DDX60L: variants seen among roughly 807,000 people sequenced by gnomAD.
DDX60L encodes the protein probable ATP-dependent RNA helicase DDX60-like.
A neutral mutation model predicts 211.6 loss-of-function variants in DDX60L; 191 were observed. The ratio of observed to expected loss-of-function variants is 0.90; its 90% confidence interval spans 0.80 to 1.02. The LOEUF (loss-of-function observed/expected upper bound fraction) is 1.02, where lower values mean the gene tolerates loss of function less well. Ranked by LOEUF, DDX60L falls within the 50% of genes least tolerant of loss-of-function variation. The pLI is 0.00. For synonymous variants in DDX60L, 706 were observed against 694.1 expected (o/e 1.02, Z -0.27); for missense variants, 2,007 against 1,984.1 (o/e 1.01, Z -0.22).
intron 8 of DDX60L, among the ~76,000 whole-genome samples, chr4:168,450,840 G>A (rs764022127): frequency 2.6e-5 from 4 of 152,126 alleles, no homozygotes; most frequent in Admixed American, 6.5e-5. Flanking sequence ...CTGGGAGGTC[G>A]AGGCTGCAGT....
In DDX60L at chr4:168,373,711, C is replaced by T. The variant is rs201273359; in HGVS notation, c.4731G>A (p.Ser1577=). The change falls in exon 35 of 38, where the codon TCG becomes TCA. Residue 1577 remains serine (S), a synonymous_variant. Transcript: ENST00000682922. Reference sequence around the variant, plus strand: ...GAAGCAAATCATTATCTGTGTTCCCCGAAAGACAAACAAATGGTGAAATGG... The same window carrying T: ...GAAGCAAATCATTATCTGTGTTCCCTGAAAGACAAACAAATGGTGAAATGG... The part of the protein sequence containing the change: ...RVAISPFVCL[S]GNTDNDLLRP... The T allele has an allele frequency of 3.3e-5, 54 of 1,613,826 alleles. No individual in the cohort carries two copies. Among genetic ancestry groups the T allele is most frequent in the African/African-American group, 6.7e-5 (5 of 74,912 alleles).
chr4:168,393,615 C>G (rs1318622471), intron 28 of DDX60L, among the ~76,000 whole-genome samples: 1 of 152,152 alleles, frequency 6.6e-6, no homozygotes, highest in Non-Finnish European at 1.5e-5. Flanking sequence ...AACATACTAA[C>G]AAAAAGTTAA....
At chr4:168,464,697 G>A (rs1473762517) in intron 4 of DDX60L, among the ~76,000 whole-genome samples, 2 of 152,032 alleles carry the variant, frequency 1.3e-5, no homozygotes, top group Non-Finnish European at 2.9e-5. Context: ...TTGTGTGTGT[G>A]CGTGTGTTGG....
intron 5 of DDX60L, among the ~76,000 whole-genome samples, chr4:168,459,503 G>A (rs1441533856): frequency 6.6e-6 from 1 of 152,026 alleles, no homozygotes; most frequent in African/African-American, 2.4e-5. Context: ...TGCAATCCCA[G>A]CACTTTAGGA....
chr4:168,432,533 T>C lies in DDX60L; in HGVS notation c.1438A>G (p.Thr480Ala). ...PVVPSLFKQK[T>A]SDELLHWHAQ... The stretch of plus-strand genomic sequence containing the variant: ...TGCCAGTGCAAAAGTTCATCAGATG[T>C]CTTTTGTTTAAACAGTGAAGGAACA... Residue 480 changes from threonine (T) to alanine (A), a missense_variant, in exon 12 of 38, where the codon ACA becomes GCA. Coordinates refer to ENST00000682922, the MANE Select transcript of DDX60L (RefSeq NM_001012967.3). The C allele has an allele frequency of 6.3e-7, 1 of 1,584,470 alleles. No individual in the cohort carries two copies. Among genetic ancestry groups the C allele is most frequent in the Non-Finnish European group, 8.6e-7 (1 of 1,162,954 alleles).
At chr4:168,449,664 A>AAAAAAAAAAAAAAAAT (rs1561098830) in intron 8 of DDX60L, among the ~76,000 whole-genome samples, 2 of 37,696 alleles carry the variant, frequency 5.3e-5, no homozygotes, top group Non-Finnish European at 1.0e-4. Flanking sequence ...AAAAAAAAAA[A>AAAAAAAAAAAAAAAAT]AGAAAAAAGA....
chr4:168,465,597 A>G (rs1398441608), intron 4 of DDX60L, among the ~76,000 whole-genome samples: 1 of 151,816 alleles, frequency 6.6e-6, no homozygotes, highest in African/African-American at 2.4e-5. Flanking sequence ...CATTTCCCCT[A>G]TGTTTTTTTC....
chr4:168,454,758 C>CTTTTTTTTTTTTTTTTATTTTTTTT (rs1756279078), intron 7 of DDX60L, among the ~76,000 whole-genome samples: 1 of 88,656 alleles, frequency 1.1e-5, no homozygotes, highest in African/African-American at 4.8e-5. Context: ...AAACAGCTTC[C>CTTTTTTTTTTTTTTTTATTTTTTTT]TTTTTTTTTT....
chr4:168,424,809 T>A (rs1043275561), intron 14 of DDX60L, among the ~76,000 whole-genome samples: 2 of 152,172 alleles, frequency 1.3e-5, no homozygotes, highest in Non-Finnish European at 2.9e-5. Context: ...ATCCCCATAC[T>A]AATGGATACT....
At chr4:168,383,479 G>T (rs1743315106) in intron 30 of DDX60L, among the ~76,000 whole-genome samples, 1 of 152,174 alleles carries the variant, frequency 6.6e-6, no homozygotes, top group Non-Finnish European at 1.5e-5. Context: ...AAAGTTTTTT[G>T]ACAGGAGTTC....
At chr4:168,427,351 A>T (rs1036307963) in intron 13 of DDX60L, 29 bp from the exon 14 acceptor site, 3 of 1,591,580 alleles carry the variant, frequency 1.9e-6, no homozygotes, top group Non-Finnish European at 2.6e-6. Flanking sequence ...AACATATGAA[A>T]CAAGTGGGAA....
intron 9 of DDX60L, among the ~76,000 whole-genome samples, chr4:168,442,196 G>A (rs1031262308): frequency 1.4e-4 from 21 of 152,290 alleles, no homozygotes; most frequent in African/African-American, 3.8e-4. Context: ...CTTGGGAAGC[G>A]CAAGGGGTCA....
chr4:168,406,688 G>T lies in DDX60L; in HGVS notation c.2998C>A (p.Pro1000Thr), dbSNP rs760633621. 1.3e-6 allele frequency: 2 copies of T among 1,599,182 alleles called. No individual in the cohort carries two copies. Among genetic ancestry groups the T allele is most frequent in the South Asian group, 2.3e-5 (2 of 87,504 alleles). ...TTDIIEKYGF[P>T]PDLTLTPQES... ...TGAGGGGTGAGGGTAAGATCAGGTG[G>T]GAATCCATACTTTTCAATCTGTGAA... Residue 1000 changes from proline to threonine, a missense_variant, in exon 23 of 38, where the codon CCA (proline) becomes ACA (threonine). Pro to Thr is a conservative substitution (Grantham distance 38). Transcript: ENST00000682922.
chr4:168,477,350 G>A (rs10020642), intron 1 of DDX60L, among the ~76,000 whole-genome samples: 12,171 of 151,794 alleles, frequency 0.08, 1,111 homozygotes, highest in African/African-American at 0.23. Context: ...GGGAGGCGGA[G>A]CTTGCAGTGA....
chr4:168,390,576 T>C (rs1190899187), intron 29 of DDX60L: 9 of 992,354 alleles, frequency 9.1e-6, no homozygotes, highest in East Asian at 8.5e-5. Flanking sequence ...ATAAGCAAAA[T>C]GATAAAATTT....
rs1738280733 is a variant in DDX60L, at chr4:168,356,777, TACTACATAA to T, written c.*1361_*1369del. The T allele has an allele frequency of 6.6e-6, 1 of 152,234 alleles. No individual in the cohort carries two copies. Among genetic ancestry groups the T allele is most frequent in the South Asian group, 2.1e-4 (1 of 4,830 alleles). The allele number at this position is 152,234 out of a possible 1,614,324, so 9.4% of individuals were successfully genotyped here. On this transcript the variant is annotated 3_prime_UTR_variant, in exon 38 of 38. Coordinates refer to ENST00000682922, the MANE Select transcript of DDX60L (RefSeq NM_001012967.3). ...ATTTTCTGATGGGTGCCAAGTCACT[TACTACATAA>T]ACTACAACAATACCAAGTTTTCAGC... is the stretch of plus-strand genomic sequence containing the variant.
chr4:168,375,581 T>G, intron 33 of DDX60L, 57 bp from the exon 34 acceptor site: 2 of 1,456,754 alleles, frequency 1.4e-6, no homozygotes, highest in Non-Finnish European at 1.8e-6. Flanking sequence ...AAAATTAAAC[T>G]GCTTGGTGAT....
In DDX60L at chr4:168,401,045, A is replaced by C. The variant is rs751740917; in HGVS notation, c.3339-67T>G. 226 of 1,422,912 alleles carry C rather than the reference A, an allele frequency of 1.6e-4. 1 individual carries two copies. The highest frequency in any genetic ancestry group is 9.5e-5 in the Non-Finnish European group (98 of 1,036,540). The allele number at this position is 1,422,912 out of a possible 1,614,324, so 88.1% of individuals were successfully genotyped here. A position where few individuals can be genotyped will look rare whatever the true frequency, so the allele number is the denominator to read the frequency against. ...CTATCCATATTGTAAACCAAAAATA[A>C]AATTATAAGGCCCCTCAATCATCTG... On this transcript the variant is annotated intron_variant, in intron 25 of 37. Transcript: ENST00000682922.
chr4:168,370,340 G>T (rs1740785801), intron 36 of DDX60L, among the ~76,000 whole-genome samples: 2 of 152,088 alleles, frequency 1.3e-5, no homozygotes, highest in East Asian at 3.8e-4. Context: ...AATATTGCAT[G>T]ATATCACTCA....
Sources: allele counts gnomAD v4.1 joint callset (sites outside exome capture counted in the v4.1 genomes callset), GRCh38; gene constraint gnomAD v4.1.1; transcripts MANE v1.5; gene names NCBI Gene and HGNC (gene_info 2026-07-23, HGNC 2026-07-21).